Variants in KDM6B observed in about 807,000 individuals in gnomAD.
KDM6B encodes lysine demethylase 6B.
A neutral mutation model predicts 150.4 loss-of-function variants in KDM6B; 22 were observed. The observed-to-expected ratio is 0.15, with a 90% confidence interval of 0.10 to 0.21. KDM6B has a LOEUF of 0.21. KDM6B is among the 10% of genes least tolerant of loss of function. KDM6B has a pLI of 1.00. For missense variants in KDM6B, 1,984 were observed against 2,234.3 expected (o/e 0.89, Z 2.26); for synonymous variants, 1,148 against 921.1 (o/e 1.25, Z -4.46).
At position 7,854,014 on chromosome 17, in the gene KDM6B, A is replaced by G. The variant is rs1306649638; in HGVS notation, c.*493A>G. The G allele has an allele frequency of 6.5e-6, 1 of 153,520 alleles. No individual in the cohort carries two copies. 9.5% of individuals were successfully genotyped at this position (153,520 alleles called of 1,614,324 possible). ...CCAATGCTAGCTGTGACCCCTGTACATGTCTCTTTATTCACTTGGTTATGA... is the reference window on the plus strand; with the variant it reads ...CCAATGCTAGCTGTGACCCCTGTACGTGTCTCTTTATTCACTTGGTTATGA... On this transcript the variant is annotated 3_prime_UTR_variant, in exon 24 of 24. Transcript: ENST00000448097.
At chr17:7,842,835 T>C (rs2078445087) in intron 2 of KDM6B, among the ~76,000 whole-genome samples, 1 of 127,568 alleles carries the variant, frequency 7.8e-6, no homozygotes, top group Admixed American at 9.3e-5. Context: ...ACCCCAAGCC[T>C]GAATCAGACC....
At position 7,849,152 on chromosome 17, in the gene KDM6B, C is replaced by T. The variant is rs2078636242; in HGVS notation, c.2864C>T (p.Pro955Leu). The change falls in exon 12 of 24, where the codon CCC (proline) becomes CTC (leucine). Residue 955 changes from proline to leucine, a missense_variant. By Grantham distance (98) the Pro-to-Leu change is moderately conservative. Transcript: ENST00000448097. Reference sequence around the variant, plus strand: ...AGTGGGACTGAGCGACTGCTGCCCCCCGCACAGGCCAAGGAGGAGGCTGGC... The same window carrying T: ...AGTGGGACTGAGCGACTGCTGCCCCTCGCACAGGCCAAGGAGGAGGCTGGC... ...ADSGTERLLP[P>L]AQAKEEAGGV... 3 of 1,611,706 alleles carry T rather than the reference C, an allele frequency of 1.9e-6. No individual in the cohort carries two copies. The highest frequency in any genetic ancestry group is 2.5e-6 in the Non-Finnish European group (3 of 1,179,556).
At chr17:7,849,991 T>C (rs2078659640) in intron 13 of KDM6B, 44 bp downstream of exon 13, 2 of 1,613,418 alleles carry the variant, frequency 1.2e-6, no homozygotes, top group Non-Finnish European at 1.7e-6. Context: ...GCCAGAGGGT[T>C]CTAAGACAGT....
At chr17:7,847,474 A>T in intron 11 of KDM6B, 22 bp downstream of exon 11, 1 of 1,613,416 alleles carries the variant, frequency 6.2e-7, no homozygotes, top group Non-Finnish European at 8.5e-7. Flanking sequence ...CTGAGGGTGG[A>T]GGGGGGGATG....
chr17:7,851,501 A>T lies in KDM6B; in HGVS notation c.3968A>T (p.His1323Leu). 6.2e-7 allele frequency: 1 copy of T among 1,614,182 alleles called. No individual in the cohort carries two copies. Among genetic ancestry groups the T allele is most frequent in the East Asian group, 2.2e-5 (1 of 44,884 alleles). ...AGCAGCGCACCAGACCCGAAGAACC[A>T]TCACATCATCAAGTTTGGCACCAAC... ...PPSSAPDPKN[H>L]HIIKFGTNID... The change falls in exon 17 of 24, where the codon CAT (histidine) becomes CTT (leucine). Residue 1323 changes from histidine (H) to leucine (L), a missense_variant. Coordinates refer to ENST00000448097, the MANE Select transcript of KDM6B (RefSeq NM_001348716.2).
chr17:7,838,272 G>A (rs1349704041), intron 1 of KDM6B, among the ~76,000 whole-genome samples: 4 of 63,784 alleles, frequency 6.3e-5, no homozygotes, highest in Non-Finnish European at 1.3e-4. Flanking sequence ...GAGACCGGAA[G>A]GGAGGAGGAG....
chr17:7,846,072 C>G lies in KDM6B; in HGVS notation c.237-6C>G, dbSNP rs1288905199. The G allele has an allele frequency of 2.5e-6, 3 of 1,205,188 alleles. No homozygotes were observed. Among genetic ancestry groups the G allele is most frequent in the Non-Finnish European group, 3.5e-6 (3 of 849,148 alleles). The allele number at this position is 1,205,188 out of a possible 1,614,324, so 74.7% of individuals were successfully genotyped here. A position where few individuals can be genotyped will look rare whatever the true frequency, so the allele number is the denominator to read the frequency against. On this transcript the variant is annotated splice_region_variant and splice_polypyrimidine_tract_variant and intron_variant, in intron 6 of 23. Transcript: ENST00000448097. ...CACCCACACCCCCACCCCTTCTGCT[C>G]TGTAGGGCGCCCACTCCAAGACCCC...
rs796636094 is a variant in KDM6B, at chr17:7,850,151, G to A, written c.3647G>A (p.Arg1216Gln). ...TDPRNPITVI[R>Q]GLAGSLRLNL... ...CCTCGAAATCCCATCACAGTGATCC[G>A]GGGCCTGGCGGGCTCCCTGCGGCTC... Residue 1216 changes from arginine (R) to glutamine (Q), a missense_variant, in exon 14 of 24, where the codon CGG becomes CAG. By Grantham distance (43) the Arg-to-Gln change is conservative. Around this residue, in one of 13 missense-constraint regions of KDM6B, gnomAD observed 15 missense variants for 48.7 expected, o/e 0.31. Transcript: ENST00000448097. 3 of 1,613,596 alleles carry A rather than the reference G, an allele frequency of 1.9e-6. No individual in the cohort carries two copies. The highest frequency in any genetic ancestry group is 2.5e-6 in the Non-Finnish European group (3 of 1,179,986).
At position 7,852,356 on chromosome 17, in the gene KDM6B, G is replaced by T; in HGVS notation, c.4468+20G>T. On this transcript the variant is annotated intron_variant, in intron 20 of 23. Transcript: ENST00000448097. ...TCACCGGTGAGAGGGTGGGGCAGGT[G>T]TTGGCGTGGTGTGGCGCCTCAGCGG... The T allele has an allele frequency of 6.3e-7, 1 of 1,599,518 alleles. No individual in the cohort carries two copies.
At chr17:7,836,775 GGTGTTTCCA>G (rs774203246) in intron 1 of KDM6B, among the ~76,000 whole-genome samples, 4 of 152,190 alleles carry the variant, frequency 2.6e-5, no homozygotes, top group Non-Finnish European at 4.4e-5. Context: ...AATTCCTAAG[GGTGTTTCCA>G]GTGTTTCCAG....
rs1232407075 is a variant in KDM6B at position 7,843,986 on chromosome 17, G to A, written c.-268-915G>A. Among the ~76,000 whole-genome samples, 1 of 152,034 alleles carries A rather than the reference G, an allele frequency of 6.6e-6. No individual in the cohort carries two copies. The highest frequency in any genetic ancestry group is 1.5e-5 in the Non-Finnish European group (1 of 67,992). The stretch of plus-strand genomic sequence containing the variant: ...GAAACGAGTTCTGGGTTCTTTAAGG[G>A]AGTGGGTGGTGAGAGTGGGACAAGG... On this transcript the variant is annotated intron_variant, in intron 2 of 23. Transcript: ENST00000448097. The surrounding 1 kb of genome is among the most constrained non-coding windows in gnomAD (Gnocchi z 4.5).
chr17:7,853,567 G>A lies in KDM6B; in HGVS notation c.*46G>A. The A allele has an allele frequency of 2.2e-6, 3 of 1,365,122 alleles. No homozygotes were observed. Among genetic ancestry groups the A allele is most frequent in the Non-Finnish European group, 2.8e-6 (3 of 1,054,954 alleles). 84.6% of individuals were successfully genotyped at this position (1,365,122 alleles called of 1,614,324 possible). A position where few individuals can be genotyped will look rare whatever the true frequency, so the allele number is the denominator to read the frequency against. ...TGCCTGCCCGCGCAAGGCGCCGCGGGGCCACCAGCACATGCCTGGGCTGGA... is the reference window on the plus strand; with the variant it reads ...TGCCTGCCCGCGCAAGGCGCCGCGGAGCCACCAGCACATGCCTGGGCTGGA... On this transcript the variant is annotated 3_prime_UTR_variant, in exon 24 of 24. Transcript: ENST00000448097.
chr17:7,847,415 A>G lies in KDM6B; in HGVS notation c.1220A>G (p.Asn407Ser), dbSNP rs756220328. 78 of 1,613,564 alleles carry G rather than the reference A, an allele frequency of 4.8e-5. No individual in the cohort carries two copies. In the South Asian group the frequency reaches 7.9e-4, roughly 16 times the overall value. ...AGCAGCAGCAGTAGCAGCAGCAGCA[A>G]CACTGGTCTCCGGGGCGTGGAGCCG... The part of the protein sequence containing the change: ...TTSSSSSSSS[N>S]TGLRGVEPNP... The change falls in exon 11 of 24, where the codon AAC (asparagine) becomes AGC (serine). Residue 407 changes from asparagine (N) to serine (S), a missense_variant. Physicochemically the swap from Asn to Ser is conservative, Grantham distance 46. Around this residue, in one of 13 missense-constraint regions of KDM6B, gnomAD observed 1,379 missense variants for 1,275.6 expected, o/e 1.08. Coordinates refer to ENST00000448097, the MANE Select transcript of KDM6B (RefSeq NM_001348716.2).
rs568085836 is a variant in KDM6B at position 7,842,005 on chromosome 17, G to GGC, written c.-269+1990_-269+1991dup. 2.5e-3 allele frequency among the ~76,000 whole-genome samples: 374 copies of GGC among 152,316 alleles called. 2 individuals are homozygous for GGC. The highest frequency in any genetic ancestry group is 8.3e-3 in the African/African-American group (344 of 41,570). On this transcript the variant is annotated intron_variant, in intron 2 of 23. Coordinates refer to ENST00000448097, the MANE Select transcript of KDM6B (RefSeq NM_001348716.2). ...CGAGGGTCCTGGACCGCCCCACCTC[G>GGC]GCGCGCGCGCAGCATGCCCGCTGAT...
intron 2 of KDM6B, among the ~76,000 whole-genome samples, chr17:7,842,812 C>G (rs1165974169): frequency 1.3e-5 from 2 of 150,968 alleles, no homozygotes; most frequent in East Asian, 3.9e-4. Context: ...TTCTGGGTGA[C>G]TCACGCTCCC....
intron 2 of KDM6B, among the ~76,000 whole-genome samples, chr17:7,841,160 A>G (rs1455163804): frequency 6.6e-6 from 1 of 152,208 alleles, no homozygotes; most frequent in Middle Eastern, 3.2e-3. Flanking sequence ...GGGAGGAGTA[A>G]AAGAAATGCT....
At chr17:7,845,110 G>A (rs2078505172) in intron 3 of KDM6B, 90 bp downstream of exon 3, 1 of 250,380 alleles carries the variant, frequency 4.0e-6, no homozygotes, top group South Asian at 4.3e-5. Context: ...CCGGCCTTTT[G>A]GTTCCCTGCC....
In KDM6B at chr17:7,845,022, T is replaced by C. The variant is rs1397044160; in HGVS notation, c.-149+2T>C. ...TGAGGACGCTCCCACGGAGGCCGGG[T>C]AAGCGGCCGCTGCGTTTTGGGTCGG... On this transcript the variant is annotated splice_donor_variant, in intron 3 of 23. Coordinates refer to ENST00000448097, the MANE Select transcript of KDM6B (RefSeq NM_001348716.2). LOFTEE classifies it low-confidence loss of function (5UTR_SPLICE). 1 of 187,758 alleles carries C rather than the reference T, an allele frequency of 5.3e-6. No individual in the cohort carries two copies. The highest frequency in any genetic ancestry group is 1.1e-5 in the Non-Finnish European group (1 of 87,422). 11.6% of individuals were successfully genotyped at this position (187,758 alleles called of 1,614,324 possible).
At position 7,848,958 on chromosome 17, in the gene KDM6B, G is replaced by T; in HGVS notation, c.2670G>T (p.Pro890=). The T allele has an allele frequency of 6.3e-7, 1 of 1,580,878 alleles. No homozygotes were observed. The stretch of plus-strand genomic sequence containing the variant: ...GCAGGGCGGGCGAAGAGCCAGTCCC[G>T]GGCCCCATGACCCCCACCCAACCGC... ...RERRAGEEPV[P]GPMTPTQPPP... is the part of the protein sequence containing the mutation. The change falls in exon 12 of 24, where the codon CCG becomes CCT. Residue 890 remains proline (P), a synonymous_variant. Transcript: ENST00000448097.
Sources: gnomAD v4.1 joint callset for allele counts (sites outside exome capture counted in the v4.1 genomes callset) on GRCh38, gnomAD v4.1.1 for gene constraint, gnomAD v4.1.1 regional missense constraint, Gnocchi (gnomAD v3.1) non-coding constraint, MANE v1.5 for transcripts, NCBI Gene and HGNC (gene_info 2026-07-23, HGNC 2026-07-21) for gene names.